The following PAN3 variants were observed in gnomAD, a reference collection of about 807,000 sequenced individuals.
PAN3 encodes poly(A) specific ribonuclease subunit PAN3, also known as PAN2-PAN3 deadenylation complex subunit PAN3.
PAN3 carries 19 observed loss-of-function variants against 96.2 expected under a neutral mutation model. That is an observed-to-expected ratio of 0.20 (90% CI 0.14 to 0.29). The LOEUF is 0.29. PAN3 is among the 10% of genes least tolerant of loss of function. The probability of loss-of-function intolerance (pLI) is 1.00; values close to 1 mark genes in which losing one functional copy is unlikely to be tolerated. For synonymous variants in PAN3, 433 were observed against 406.6 expected (o/e 1.06, Z -0.78); for missense variants, 882 against 1,108.1 (o/e 0.80, Z 2.90).
intron 5 of PAN3, among the ~76,000 whole-genome samples, chr13:28,201,403 G>A (rs147953852): frequency 0.014 from 2,120 of 151,872 alleles, 34 homozygotes; most frequent in African/African-American, 0.048. Context: ...AAAATTAGCC[G>A]GGCATGGTGG....
At chr13:28,292,136 A>C (rs762487574) in intron 18 of PAN3, among the ~76,000 whole-genome samples, 1 of 152,184 alleles carries the variant, frequency 6.6e-6, no homozygotes, top group Non-Finnish European at 1.5e-5. Flanking sequence ...TGGAGCATCA[A>C]CTGGGTAAAC....
intron 10 of PAN3, 85 bp from the exon 11 acceptor site, chr13:28,267,010 A>G: frequency 7.3e-7 from 1 of 1,376,996 alleles, no homozygotes; most frequent in African/African-American, 1.5e-5. Flanking sequence ...AGCAATGTAT[A>G]AATATGGCAA....
At position 28,270,870 on chromosome 13, in the gene PAN3, C is replaced by T. The variant is rs745743027; in HGVS notation, c.1958+4C>T. 1 of 1,612,158 alleles carries T rather than the reference C, an allele frequency of 6.2e-7. No homozygotes were observed. Among genetic ancestry groups the T allele is most frequent in the Admixed American group, 1.7e-5 (1 of 59,904 alleles). On this transcript the variant is annotated splice_donor_region_variant and intron_variant, in intron 13 of 18. Transcript: ENST00000380958. ...TTCTGATAACTGGCAAAACAAGGTA[C>T]TAGCATTTTGAGTTTTGGTTTCTTT...
At chr13:28,245,666 A>G (rs527360252) in intron 6 of PAN3, among the ~76,000 whole-genome samples, 51 of 152,270 alleles carry the variant, frequency 3.3e-4, no homozygotes, top group African/African-American at 1.0e-3. Flanking sequence ...CTGTTAACCA[A>G]CACTTCCCGT....
At chr13:28,199,507 T>C (rs1172997643) in intron 5 of PAN3, among the ~76,000 whole-genome samples, 3 of 152,212 alleles carry the variant, frequency 2.0e-5, no homozygotes, top group Non-Finnish European at 1.5e-5. Context: ...ACATAAGGAA[T>C]GCTGTACCCA....
chr13:28,235,777 C>G (rs1883043107), intron 6 of PAN3, among the ~76,000 whole-genome samples: 1 of 151,208 alleles, frequency 6.6e-6, no homozygotes, highest in Non-Finnish European at 1.5e-5. Flanking sequence ...GGCTGGAGAG[C>G]AGTGGCTCGA....
At chr13:28,270,305 A>C (rs1019094460) in intron 12 of PAN3, among the ~76,000 whole-genome samples, 25 of 152,340 alleles carry the variant, frequency 1.6e-4, no homozygotes, top group African/African-American at 5.8e-4. Flanking sequence ...CACAATGAAC[A>C]GCTCTCACAT....
chr13:28,205,749 A>G (rs1182781360), intron 5 of PAN3, among the ~76,000 whole-genome samples: 1 of 152,030 alleles, frequency 6.6e-6, no homozygotes, highest in Non-Finnish European at 1.5e-5. Context: ...AGGCAGAGGC[A>G]AGAGAATCCC....
At position 28,177,921 on chromosome 13, in the gene PAN3, T is replaced by C. The variant is rs776005359; in HGVS notation, c.676T>C (p.Ser226Pro). The C allele has an allele frequency of 6.2e-7, 1 of 1,609,488 alleles. No homozygotes were observed. The highest frequency in any genetic ancestry group is 1.3e-5 in the African/African-American group (1 of 74,804). The stretch of plus-strand genomic sequence containing the variant: ...TAATGACTTTGGTGCCCTCAACATC[T>C]CTCAGAGACGAAAGGTAGGTGAAAT... ...LFNDFGALNI[S>P]QRRKPRKYRL... Residue 226 changes from serine to proline, a missense_variant, in exon 4 of 19, where the codon TCT becomes CCT. Physicochemically the swap from Ser to Pro is moderately conservative, Grantham distance 74 (BLOSUM62 -1). Transcript: ENST00000380958.
Position 28,266,036 on chromosome 13 carries a change from GTTTTT to G in PAN3, c.1412-665_1412-661del, listed in dbSNP as rs67638164. Among the ~76,000 whole-genome samples the G allele has an allele frequency of 1.0e-4, 2 of 19,868 alleles. 1 individual carries two copies. Among genetic ancestry groups the G allele is most frequent in the African/African-American group, 7.2e-4 (2 of 2,786 alleles). 13.0% of individuals were successfully genotyped at this position (19,868 alleles called of 152,430 possible). A position where few individuals can be genotyped will look rare whatever the true frequency, so the allele number is the denominator to read the frequency against. On this transcript the variant is annotated intron_variant, in intron 9 of 18. Coordinates refer to ENST00000380958, the MANE Select transcript of PAN3 (RefSeq NM_175854.8). ...AGGCGTGAGCCACCGCGCCCGGCCGGTTTTTTTTTTTTTTTTTTAACAGACATAAT... is the reference window on the plus strand; with the variant it reads ...AGGCGTGAGCCACCGCGCCCGGCCGGTTTTTTTTTTTTTAACAGACATAAT...
At chr13:28,215,721 G>C in intron 5 of PAN3, 1 of 1,499,226 alleles carries the variant, frequency 6.7e-7, no homozygotes, top group Non-Finnish European at 9.1e-7. Context: ...TGTTGATATA[G>C]TTCCTGGCAA....
chr13:28,142,990 ACTTTAT>A (rs767441064), intron 1 of PAN3, among the ~76,000 whole-genome samples: 13 of 152,132 alleles, frequency 8.5e-5, no homozygotes, highest in African/African-American at 1.4e-4. Flanking sequence ...GCATGAGAAA[ACTTTAT>A]CTTTATTTTG....
intron 5 of PAN3, 124 bp downstream of exon 5, chr13:28,197,470 A>T: frequency 2.2e-6 from 2 of 915,854 alleles, no homozygotes; most frequent in Non-Finnish European, 3.1e-6. Context: ...TAATTAAAAA[A>T]ATTTTTAATC....
chr13:28,189,664 C>G (rs2138186653), intron 4 of PAN3, among the ~76,000 whole-genome samples: 1 of 152,272 alleles, frequency 6.6e-6, no homozygotes, highest in Non-Finnish European at 1.5e-5. Context: ...CTGTTTGTAT[C>G]ACTAGTTATT....
intron 5 of PAN3, among the ~76,000 whole-genome samples, chr13:28,218,997 G>A (rs923766927): frequency 1.3e-5 from 2 of 152,088 alleles, no homozygotes; most frequent in Non-Finnish European, 2.9e-5. Flanking sequence ...CATTCTGTTG[G>A]TAGCCATTTG....
At chr13:28,202,463 A>G (rs928184215) in intron 5 of PAN3, among the ~76,000 whole-genome samples, 1 of 152,114 alleles carries the variant, frequency 6.6e-6, no homozygotes, top group Non-Finnish European at 1.5e-5. Context: ...CTTCATATCC[A>G]TCCATATATA....
chr13:28,209,138 G>T (rs1281304040), intron 5 of PAN3, among the ~76,000 whole-genome samples: 1 of 151,798 alleles, frequency 6.6e-6, no homozygotes, highest in African/African-American at 2.4e-5. Context: ...ATTGTTGTTG[G>T]TTTTTTTTAC....
At chr13:28,140,830 G>C (rs1473420827) in intron 1 of PAN3, among the ~76,000 whole-genome samples, 1 of 152,096 alleles carries the variant, frequency 6.6e-6, no homozygotes, top group Non-Finnish European at 1.5e-5. Context: ...TGTAAATTCA[G>C]ATGTTTTGTA....
Position 28,190,066 on chromosome 13 carries a change from C to G in PAN3, c.691-7119C>G, listed in dbSNP as rs534852671. Among the ~76,000 whole-genome samples the G allele has an allele frequency of 1.3e-5, 2 of 152,262 alleles. 1 individual carries two copies. Among genetic ancestry groups the G allele is most frequent in the South Asian group, 4.1e-4 (2 of 4,820 alleles). ...TCAAGTGATTCCCCTGCCTCAGCCT[C>G]CAGAGTAGCTGGGATTATAGGCGCG... On this transcript the variant is annotated intron_variant, in intron 4 of 18. Coordinates refer to ENST00000380958, the MANE Select transcript of PAN3 (RefSeq NM_175854.8).
Sources: allele counts gnomAD v4.1 joint callset (sites outside exome capture counted in the v4.1 genomes callset), GRCh38; gene constraint gnomAD v4.1.1; transcripts MANE v1.5; gene names NCBI Gene and HGNC (gene_info 2026-07-23, HGNC 2026-07-21).